The following CFAP54 variants were observed in gnomAD, a reference collection of about 807,000 sequenced individuals.
CFAP54 encodes cilia and flagella associated protein 54, also known as cilia- and flagella-associated protein 54.
Under a neutral mutation model 370.4 loss-of-function variants are expected in CFAP54, and 290 were observed. That is an observed-to-expected ratio of 0.78 (90% CI 0.71 to 0.86). The LOEUF (loss-of-function observed/expected upper bound fraction) is 0.86, where lower values mean the gene tolerates loss of function less well. Ranked by LOEUF, CFAP54 falls within the 40% of genes least tolerant of loss-of-function variation. The probability of loss-of-function intolerance (pLI) is 0.00; values close to 1 mark genes in which losing one functional copy is unlikely to be tolerated. For missense variants in CFAP54, 3,399 were observed against 3,528.7 expected (o/e 0.96, Z 0.93); for synonymous variants, 1,206 against 1,236.5 (o/e 0.98, Z 0.52).
At chr12:96,662,643 T>A (rs2136519852) in intron 38 of CFAP54, among the ~76,000 whole-genome samples, 1 of 152,292 alleles carries the variant, frequency 6.6e-6, no homozygotes, top group African/African-American at 2.4e-5. Flanking sequence ...GACCTTAATA[T>A]AACTTATCCT....
At chr12:96,699,158 A>G (rs1185118683) in intron 45 of CFAP54, among the ~76,000 whole-genome samples, 1 of 152,146 alleles carries the variant, frequency 6.6e-6, no homozygotes, top group Non-Finnish European at 1.5e-5. Context: ...GTGAAGTAAC[A>G]AAGTTATACT....
intron 9 of CFAP54, among the ~76,000 whole-genome samples, chr12:96,533,095 G>T (rs530517163): frequency 1.8e-4 from 28 of 152,022 alleles, no homozygotes; most frequent in Admixed American, 1.0e-3. Flanking sequence ...CAATCCAGGG[G>T]TCACTTTCAG....
At chr12:96,638,199 ATATG>A (rs1325388273) in intron 32 of CFAP54, among the ~76,000 whole-genome samples, 1 of 135,432 alleles carries the variant, frequency 7.4e-6, no homozygotes, top group Non-Finnish European at 1.6e-5. Context: ...ATATATATAT[ATATG>A]CATGTGTGTG....
intron 63 of CFAP54, among the ~76,000 whole-genome samples, chr12:96,800,594 T>C (rs1402628093): frequency 1.3e-5 from 2 of 152,174 alleles, no homozygotes; most frequent in African/African-American, 4.8e-5. Flanking sequence ...GATTTTATCG[T>C]TTTGGAAGAA....
At chr12:96,837,678 C>T (rs1010757166) in intron 66 of CFAP54, among the ~76,000 whole-genome samples, 1 of 152,134 alleles carries the variant, frequency 6.6e-6, no homozygotes, top group Non-Finnish European at 1.5e-5. Flanking sequence ...TAGAGATAGC[C>T]CTGGGCTGCA....
chr12:96,540,867 G>T lies in CFAP54; in HGVS notation c.1957G>T (p.Val653Leu). 1 of 1,472,996 alleles carries T rather than the reference G, an allele frequency of 6.8e-7. No individual in the cohort carries two copies. Among genetic ancestry groups the T allele is most frequent in the Non-Finnish European group, 8.9e-7 (1 of 1,119,050 alleles). 91.2% of individuals were successfully genotyped at this position (1,472,996 alleles called of 1,614,324 possible). ...TTATCTTCTGTGGCAGATAAATGAA[G>T]TAATTCACTGCTATAAAATGGAAGA... ...WIYLLWQINE[V>L]IHCYKMEDID... The change falls in exon 14 of 68, where the codon GTA (valine) becomes TTA (leucine). Residue 653 changes from valine to leucine, a missense_variant. Physicochemically the swap from Val to Leu is conservative, Grantham distance 32. Transcript: ENST00000524981.
At chr12:96,597,641 T>C (rs1034720819) in intron 25 of CFAP54, among the ~76,000 whole-genome samples, 3 of 151,716 alleles carry the variant, frequency 2.0e-5, no homozygotes, top group African/African-American at 4.8e-5. Context: ...GAATTAGAGC[T>C]ATACCTGTAG....
chr12:96,718,664 G>A (rs558364685), intron 49 of CFAP54, 142 bp downstream of exon 49: 1 of 570,040 alleles, frequency 1.8e-6, no homozygotes. Flanking sequence ...TGGAGCCAGA[G>A]GTGGAGTTTA....
In CFAP54 at chr12:96,503,911, G is replaced by T. The variant is rs1429411686; in HGVS notation, c.449G>T (p.Cys150Phe). The T allele has an allele frequency of 6.6e-7, 1 of 1,513,340 alleles. No homozygotes were observed. The highest frequency in any genetic ancestry group is 2.2e-5 in the Admixed American group (1 of 46,148). 93.7% of individuals were successfully genotyped at this position (1,513,340 alleles called of 1,614,324 possible). A position where few individuals can be genotyped will look rare whatever the true frequency, so the allele number is the denominator to read the frequency against. ...GAATACAAACTGGCCCTTTTACAATGCTATGGAAGATATCTTCAGCAGTTC... is the reference window on the plus strand; with the variant it reads ...GAATACAAACTGGCCCTTTTACAATTCTATGGAAGATATCTTCAGCAGTTC... ...MKEYKLALLQ[C>F]YGRYLQQFNT... Residue 150 changes from cysteine (C) to phenylalanine (F), a missense_variant, in exon 3 of 68, where the codon TGC becomes TTC. This residue lies in a region of CFAP54 where 559 missense variants were observed against 576.7 expected (regional missense o/e 0.97). Coordinates refer to ENST00000524981, the MANE Select transcript of CFAP54 (RefSeq NM_001306084.2).
chr12:96,842,761 T>C (rs1303349321), intron 66 of CFAP54, among the ~76,000 whole-genome samples: 1 of 152,194 alleles, frequency 6.6e-6, no homozygotes, highest in Non-Finnish European at 1.5e-5. Context: ...TCCTTTTTCC[T>C]CTTCTCTCCT....
At chr12:96,808,969 T>G (rs559509443) in intron 63 of CFAP54, among the ~76,000 whole-genome samples, 1 of 152,342 alleles carries the variant, frequency 6.6e-6, no homozygotes, top group African/African-American at 2.4e-5. Flanking sequence ...CTTAATTCAT[T>G]GTTTTCTTGG....
At chr12:96,492,521 C>G (rs544821955) in intron 1 of CFAP54, among the ~76,000 whole-genome samples, 1 of 152,334 alleles carries the variant, frequency 6.6e-6, no homozygotes, top group Non-Finnish European at 1.5e-5. Flanking sequence ...CAGATTCACT[C>G]ATAGGTTTAT....
chr12:96,642,021 A>G (rs1175784860), intron 32 of CFAP54, among the ~76,000 whole-genome samples: 6 of 152,090 alleles, frequency 3.9e-5, no homozygotes, highest in African/African-American at 1.4e-4. Flanking sequence ...TGGCACATGT[A>G]TACATATGTA....
Position 96,592,557 on chromosome 12 carries a change from G to C in CFAP54, c.3280G>C (p.Val1094Leu). The change falls in exon 24 of 68, where the codon GTA (valine) becomes CTA (leucine). Residue 1094 changes from valine (V) to leucine (L), a missense_variant. Physicochemically the swap from Val to Leu is conservative, Grantham distance 32 (BLOSUM62 1). Coordinates refer to ENST00000524981, the MANE Select transcript of CFAP54 (RefSeq NM_001306084.2). ...GTACCTTTTTCTTAGAAATATTTTT[G>C]TAACAAGTGACATCAAAATTAAAGA... is the stretch of plus-strand genomic sequence containing the variant. ...LLYLFLRNIF[V>L]TSDIKIKEEN... The C allele has an allele frequency of 8.6e-7, 1 of 1,166,650 alleles. No homozygotes were observed. The highest frequency in any genetic ancestry group is 1.2e-6 in the Non-Finnish European group (1 of 853,736). 72.3% of individuals were successfully genotyped at this position (1,166,650 alleles called of 1,614,324 possible).
rs373634862 is a variant in CFAP54 at position 96,753,906 on chromosome 12, G to C, written c.7840+8G>C. Reference sequence around the variant, plus strand: ...AAATCCTTTTTCAGAAAGGTAAAATGCATCTGGGGTCAGAACTATGATAAA... The same window carrying C: ...AAATCCTTTTTCAGAAAGGTAAAATCCATCTGGGGTCAGAACTATGATAAA... On this transcript the variant is annotated splice_region_variant and intron_variant, in intron 56 of 67. Coordinates refer to ENST00000524981, the MANE Select transcript of CFAP54 (RefSeq NM_001306084.2). 36 of 1,612,104 alleles carry C rather than the reference G, an allele frequency of 2.2e-5. No individual in the cohort carries two copies. Among genetic ancestry groups the C allele is most frequent in the Non-Finnish European group, 3.1e-5 (36 of 1,178,878 alleles).
At chr12:96,647,490 AAAAAAAG>A in intron 33 of CFAP54, among the ~76,000 whole-genome samples, 1 of 148,874 alleles carries the variant, frequency 6.7e-6, no homozygotes, top group African/African-American at 2.4e-5. Flanking sequence ...AAAAAAAAAA[AAAAAAAG>A]AAATGCCATT....
intron 40 of CFAP54, among the ~76,000 whole-genome samples, chr12:96,680,117 G>A (rs1957254147): frequency 6.6e-6 from 1 of 152,210 alleles, no homozygotes; most frequent in South Asian, 2.1e-4. Context: ...GAGTTAACTA[G>A]AACCTTTTGC....
intron 55 of CFAP54, among the ~76,000 whole-genome samples, chr12:96,750,745 C>T (rs1397381671): frequency 1.3e-5 from 2 of 152,166 alleles, no homozygotes; most frequent in Admixed American, 6.5e-5. Context: ...TGTCACCACT[C>T]AATGACAATA....
chr12:96,653,103 C>T (rs992351059), intron 36 of CFAP54, among the ~76,000 whole-genome samples: 1 of 152,226 alleles, frequency 6.6e-6, no homozygotes, highest in Non-Finnish European at 1.5e-5. Context: ...GCCAGGGACC[C>T]TCTCAGACTT....
Sources: allele counts gnomAD v4.1 joint callset (sites outside exome capture counted in the v4.1 genomes callset), GRCh38; gene constraint gnomAD v4.1.1; regional missense constraint gnomAD v4.1.1; transcripts MANE v1.5; gene names NCBI Gene and HGNC (gene_info 2026-07-23, HGNC 2026-07-21).